The following NAE1 variants were observed in gnomAD, a reference collection of about 807,000 sequenced individuals.
NAE1 encodes NEDD8-activating enzyme E1 regulatory subunit.
Under a neutral mutation model 88.0 loss-of-function variants are expected in NAE1, and 59 were observed. That is an observed-to-expected ratio of 0.67 (90% CI 0.54 to 0.83). NAE1 has a LOEUF of 0.83. Ranked by LOEUF, NAE1 falls within the 40% of genes least tolerant of loss-of-function variation. NAE1 has a pLI of 0.00. For missense variants in NAE1, 554 were observed against 632.8 expected (o/e 0.88, Z 1.34); for synonymous variants, 186 against 208.9 (o/e 0.89, Z 0.95).
chr16:66,825,998 T>C (rs1960450667), intron 3 of NAE1: 1 of 154,554 alleles, frequency 6.5e-6, no homozygotes, highest in Non-Finnish European at 1.4e-5. Context: ...TTACTCACTG[T>C]TGTTGTTACT....
chr16:66,826,767 G>C lies in NAE1; in HGVS notation c.67C>G (p.His23Asp). The C allele has an allele frequency of 6.2e-7, 1 of 1,613,146 alleles. No individual in the cohort carries two copies. The highest frequency in any genetic ancestry group is 8.5e-7 in the Non-Finnish European group (1 of 1,179,650). The change falls in exon 2 of 20, where the codon CAT becomes GAT. Residue 23 changes from histidine to aspartate, a missense_variant. Physicochemically the swap from His to Asp is moderately conservative, Grantham distance 81. Coordinates refer to ENST00000290810, the MANE Select transcript of NAE1 (RefSeq NM_003905.4). ...YDRQLRLWGD[H>D]GQEALESAHV... is the part of the protein sequence containing the mutation. ...GCAGATTCTAAAGCCTCTTGCCCAT[G>C]ATCACCCCACAACCTACAAAACAGA... is the stretch of plus-strand genomic sequence containing the variant.
At chr16:66,813,462 G>T in intron 13 of NAE1, 102 bp downstream of exon 13, 1 of 1,351,346 alleles carries the variant, frequency 7.4e-7, no homozygotes. Flanking sequence ...TAAGCAATGA[G>T]GTTGTAATAA....
At chr16:66,812,411 T>A (rs551393781) in intron 13 of NAE1, among the ~76,000 whole-genome samples, 1 of 151,914 alleles carries the variant, frequency 6.6e-6, no homozygotes, top group Non-Finnish European at 1.5e-5. Flanking sequence ...ATTAAGTTTA[T>A]CATGAAGTAT....
Position 66,826,528 on chromosome 16 carries a change from T to C in NAE1, c.213A>G (p.Gly71=). The change falls in exon 3 of 20, where the codon GGA becomes GGG. Residue 71 remains glycine (G), a synonymous_variant. Coordinates refer to ENST00000290810, the MANE Select transcript of NAE1 (RefSeq NM_003905.4). The part of the protein sequence containing the change: ...DGNQVSGEDA[G]NNFFLQRSSI... ...TTGAAGAGAATAGAACATACTTGTT[T>C]CCAGCATCTTCTCCGCTGACCTGAT... is the stretch of plus-strand genomic sequence containing the variant. 1.9e-6 allele frequency: 3 copies of C among 1,614,050 alleles called. No homozygotes were observed. The highest frequency in any genetic ancestry group is 2.5e-6 in the Non-Finnish European group (3 of 1,179,992).
intron 6 of NAE1, 83 bp downstream of exon 6, chr16:66,823,144 T>A: frequency 1.9e-5 from 10 of 539,508 alleles, no homozygotes; most frequent in South Asian, 4.4e-5. Flanking sequence ...TTTAAAACCA[T>A]ATCATCATAG....
chr16:66,812,815 G>A (rs1171512334), intron 13 of NAE1, among the ~76,000 whole-genome samples: 4 of 148,060 alleles, frequency 2.7e-5, no homozygotes, highest in Non-Finnish European at 6.0e-5. Context: ...CACCACGCCC[G>A]GCCTAAGTTC....
In NAE1 at chr16:66,813,878, C is replaced by G. The variant is rs1959928042; in HGVS notation, c.841-32G>C. Reference sequence around the variant, plus strand: ...AAGGAACATGAAACATTTACTTACACAGTATTAAGAATTCGCCCATCTTTA... The same window carrying G: ...AAGGAACATGAAACATTTACTTACAGAGTATTAAGAATTCGCCCATCTTTA... On this transcript the variant is annotated intron_variant, in intron 11 of 19. Coordinates refer to ENST00000290810, the MANE Select transcript of NAE1 (RefSeq NM_003905.4). The G allele has an allele frequency of 6.9e-6, 11 of 1,585,868 alleles. No homozygotes were observed. In the East Asian group the frequency reaches 2.5e-4, roughly 36 times the overall value.
At chr16:66,826,922 T>G in intron 1 of NAE1, 142 bp from the exon 2 acceptor site, 1 of 712,746 alleles carries the variant, frequency 1.4e-6, no homozygotes, top group Non-Finnish European at 2.3e-6. Context: ...CAGATATTAG[T>G]ATAGTGATTA....
chr16:66,829,988 C>G (rs1462306012), intron 1 of NAE1, among the ~76,000 whole-genome samples: 1 of 152,178 alleles, frequency 6.6e-6, no homozygotes, highest in Non-Finnish European at 1.5e-5. Flanking sequence ...TGGATTCAAC[C>G]GATTCTCCAG....
chr16:66,824,780 C>T, intron 4 of NAE1, 75 bp downstream of exon 4: 1 of 1,346,654 alleles, frequency 7.4e-7, no homozygotes, highest in African/African-American at 1.5e-5. Flanking sequence ...TTTTTAAAGT[C>T]AAAGCTTTTC....
intron 13 of NAE1, 21 bp from the exon 14 acceptor site, chr16:66,810,793 ATT>A (rs1305282581): frequency 1.2e-6 from 2 of 1,602,676 alleles, no homozygotes; most frequent in South Asian, 2.3e-5. Flanking sequence ...ATAAAAAGCA[ATT>A]ACTAACAAAT....
intron 9 of NAE1, 146 bp downstream of exon 9, chr16:66,817,279 T>C (rs1960083311): frequency 1.2e-6 from 1 of 867,644 alleles, no homozygotes; most frequent in Non-Finnish European, 1.8e-6. Context: ...GAGGAACTGC[T>C]AGATTTAAAT....
At chr16:66,824,585 C>T in intron 4 of NAE1, 1 of 249,682 alleles carries the variant, frequency 4.0e-6, no homozygotes, top group South Asian at 5.5e-5. Context: ...GAGCGAGACT[C>T]CGTCTCAAAA....
In NAE1 at chr16:66,808,767, T is replaced by C. The variant is rs568489849; in HGVS notation, c.1238-154A>G. 6.7e-5 allele frequency: 44 copies of C among 661,558 alleles called. No homozygotes were observed. The African/African-American group carries it at 7.4e-4, about 11-fold the overall frequency. 41.0% of individuals were successfully genotyped at this position (661,558 alleles called of 1,614,324 possible). ...TAACATACTGACTTTAACTCATACA[T>C]ATCACACAATGGACTCAGTGACCTA... On this transcript the variant is annotated intron_variant, in intron 16 of 19. Transcript: ENST00000290810.
rs1344270964 is a variant in NAE1 at position 66,823,586 on chromosome 16, A to G, written c.264T>C (p.Ala88=). ...RSSIGKNRAE[A]AMEFLQELNS... Reference sequence around the variant, plus strand: ...TTAATTCTTGTAAGAATTCCATGGCAGCTTCAGCTCGGTTCTTTTTAAAAA... The same window carrying G: ...TTAATTCTTGTAAGAATTCCATGGCGGCTTCAGCTCGGTTCTTTTTAAAAA... Residue 88 remains alanine (A), a synonymous_variant, in exon 5 of 20, where the codon GCT becomes GCC. Transcript: ENST00000290810. The G allele has an allele frequency of 6.2e-7, 1 of 1,606,100 alleles. No individual in the cohort carries two copies. The highest frequency in any genetic ancestry group is 1.1e-5 in the South Asian group (1 of 88,366).
chr16:66,829,160 C>A (rs1208171100), intron 1 of NAE1, among the ~76,000 whole-genome samples: 1 of 152,178 alleles, frequency 6.6e-6, no homozygotes, highest in Admixed American at 6.6e-5. Flanking sequence ...CACTTCAAAA[C>A]CAGTTCTCAC....
At chr16:66,824,104 T>C (rs1960369357) in intron 4 of NAE1, among the ~76,000 whole-genome samples, 1 of 151,858 alleles carries the variant, frequency 6.6e-6, no homozygotes, top group Non-Finnish European at 1.5e-5. Context: ...ACCATCATCA[T>C]CCAGAGTTCT....
intron 17 of NAE1, among the ~76,000 whole-genome samples, chr16:66,808,104 C>T (rs2145313407): frequency 6.6e-6 from 1 of 152,210 alleles, no homozygotes; most frequent in South Asian, 2.1e-4. Context: ...GTTGCCCACG[C>T]TGGTCTCCAA....
intron 14 of NAE1, 78 bp downstream of exon 14, chr16:66,810,619 C>A: frequency 7.5e-7 from 1 of 1,332,110 alleles, no homozygotes; most frequent in African/African-American, 1.5e-5. Flanking sequence ...GGCAGTGCCA[C>A]ACCCTCTGTC....
Sources: gnomAD v4.1 joint callset for allele counts (sites outside exome capture counted in the v4.1 genomes callset) on GRCh38, gnomAD v4.1.1 for gene constraint, MANE v1.5 for transcripts, NCBI Gene and HGNC (gene_info 2026-07-23, HGNC 2026-07-21) for gene names.